The following DLG2 variants were observed in gnomAD, a reference collection of about 807,000 sequenced individuals.
DLG2 encodes the protein disks large homolog 2.
In DLG2, 45 loss-of-function variants were observed where a neutral mutation model predicts 132.5. That is an observed-to-expected ratio of 0.34 (90% CI 0.27 to 0.44). The LOEUF (loss-of-function observed/expected upper bound fraction) is 0.44, where lower values mean the gene tolerates loss of function less well. Ranked by LOEUF, DLG2 falls within the 20% of genes least tolerant of loss-of-function variation. DLG2 has a pLI of 1.00. For missense variants in DLG2, 1,045 were observed against 1,196.9 expected (o/e 0.87, Z 1.87); for synonymous variants, 424 against 419.6 (o/e 1.01, Z -0.13).
At chr11:84,117,347 C>T (rs2093683042) in intron 9 of DLG2, among the ~76,000 whole-genome samples, 1 of 152,190 alleles carries the variant, frequency 6.6e-6, no homozygotes, top group Non-Finnish European at 1.5e-5. Context: ...ATCATATGTG[C>T]TCCCTCATTA....
intron 18 of DLG2, among the ~76,000 whole-genome samples, chr11:83,771,712 T>C (rs1594076317): frequency 6.6e-6 from 1 of 152,360 alleles, no homozygotes; most frequent in East Asian, 1.9e-4. Flanking sequence ...CATTATTTTG[T>C]GGTGCATGAT....
intron 18 of DLG2, among the ~76,000 whole-genome samples, chr11:83,784,932 A>G (rs1375871684): frequency 6.6e-6 from 1 of 152,234 alleles, no homozygotes; most frequent in African/African-American, 2.4e-5. Flanking sequence ...ACAGTTTGAG[A>G]CTGAAAAAAA....
chr11:85,168,836 A>T (rs1025726694), intron 4 of DLG2, among the ~76,000 whole-genome samples: 6 of 152,160 alleles, frequency 3.9e-5, no homozygotes, highest in Admixed American at 6.5e-5. Flanking sequence ...TGTCTTCGTC[A>T]TTGCAAACCT....
intron 9 of DLG2, among the ~76,000 whole-genome samples, chr11:84,134,574 C>G (rs1188547441): frequency 1.3e-5 from 2 of 151,936 alleles, no homozygotes; most frequent in Admixed American, 6.6e-5. Flanking sequence ...TCCAAGTCAC[C>G]CAGTCAGCAG....
intron 7 of DLG2, among the ~76,000 whole-genome samples, chr11:84,315,124 A>G (rs1343912186): frequency 1.3e-5 from 2 of 152,160 alleles, no homozygotes; most frequent in African/African-American, 2.4e-5. Flanking sequence ...TTGCCTTCTT[A>G]TATGTCACTG....
intron 8 of DLG2, among the ~76,000 whole-genome samples, chr11:84,233,524 C>T (rs2097121989): frequency 6.6e-6 from 1 of 152,158 alleles, no homozygotes; most frequent in Admixed American, 6.5e-5. Flanking sequence ...TCTTTGCTAC[C>T]ACATGTACAG....
rs539100977 is a variant in DLG2 at position 85,506,213 on chromosome 11, C to T, written c.40+92444G>A. On this transcript the variant is annotated intron_variant, in intron 3 of 27. Coordinates refer to ENST00000376104, the MANE Select transcript of DLG2 (RefSeq NM_001142699.3). ...TGAAGGGTTTTTTGTATCTCTGTCT[C>T]CTTCAGTTCTGCTCTGATCTTAGTT... Among the ~76,000 whole-genome samples the T allele has an allele frequency of 1.3e-4, 20 of 152,240 alleles. 1 individual carries two copies. The highest frequency in any genetic ancestry group is 4.1e-4 in the African/African-American group (17 of 41,542).
chr11:84,026,471 C>A (rs560733473), intron 11 of DLG2, among the ~76,000 whole-genome samples: 21 of 151,970 alleles, frequency 1.4e-4, no homozygotes, highest in Non-Finnish European at 2.2e-4. Flanking sequence ...ATTATCCAAC[C>A]TTTACAGAGA....
chr11:84,881,841 C>T (rs750838992), intron 6 of DLG2, among the ~76,000 whole-genome samples: 3 of 152,126 alleles, frequency 2.0e-5, no homozygotes, highest in Admixed American at 6.6e-5. Context: ...TGTAGGCCTA[C>T]ACCTCTTATA....
chr11:83,643,886 T>C (rs922329029), intron 18 of DLG2, among the ~76,000 whole-genome samples: 1 of 152,076 alleles, frequency 6.6e-6, no homozygotes, highest in Non-Finnish European at 1.5e-5. Context: ...GTTCTACAAG[T>C]GACTACTTTT....
chr11:84,108,923 G>A lies in DLG2; in HGVS notation c.625-9876C>T, dbSNP rs140653612. ...CTTACTGATGGCTGGAACGTGAAAG[G>A]TGGAAAAGAGAAGAATCAAAGATGA... On this transcript the variant is annotated intron_variant, in intron 9 of 27. Coordinates refer to ENST00000376104, the MANE Select transcript of DLG2 (RefSeq NM_001142699.3). Among the ~76,000 whole-genome samples, 197 of 152,178 alleles carry A rather than the reference G, an allele frequency of 1.3e-3. 1 individual carries two copies. The highest frequency in any genetic ancestry group is 2.3e-3 in the Non-Finnish European group (154 of 67,994).
At chr11:83,790,772 T>G (rs767991906) in intron 17 of DLG2, 40 of 758,420 alleles carry the variant, frequency 5.3e-5, no homozygotes, top group African/African-American at 2.4e-4. Flanking sequence ...GGTTCTGGTC[T>G]GCCTGACTCT....
At chr11:84,315,173 G>C (rs1442500559) in intron 7 of DLG2, among the ~76,000 whole-genome samples, 1 of 152,034 alleles carries the variant, frequency 6.6e-6, no homozygotes, top group Non-Finnish European at 1.5e-5. Flanking sequence ...TTCAATCCTT[G>C]AAAGCATTAA....
At chr11:84,451,340 C>T (rs1418344508) in intron 7 of DLG2, among the ~76,000 whole-genome samples, 1 of 151,880 alleles carries the variant, frequency 6.6e-6, no homozygotes, top group Middle Eastern at 3.4e-3. Flanking sequence ...TCTATATTTT[C>T]TTTGTAAACT....
intron 8 of DLG2, among the ~76,000 whole-genome samples, chr11:84,176,899 C>T (rs548891038): frequency 5.9e-4 from 89 of 152,038 alleles, no homozygotes; most frequent in African/African-American, 2.0e-3. Flanking sequence ...CTTTCCTTTC[C>T]TTTCCATTCC....
chr11:85,282,841 G>A (rs1463736014), intron 4 of DLG2, among the ~76,000 whole-genome samples: 1 of 151,956 alleles, frequency 6.6e-6, no homozygotes, highest in Non-Finnish European at 1.5e-5. Flanking sequence ...TAACCTAAAT[G>A]TCCATCAGTG....
chr11:83,653,418 A>C (rs2071243189), intron 18 of DLG2, among the ~76,000 whole-genome samples: 1 of 152,178 alleles, frequency 6.6e-6, no homozygotes, highest in Non-Finnish European at 1.5e-5. Flanking sequence ...AAACAGCATA[A>C]ATCTCTTTTC....
At chr11:84,167,096 CAT>C (rs2095686235) in intron 8 of DLG2, 1 of 494,444 alleles carries the variant, frequency 2.0e-6, no homozygotes, top group East Asian at 5.5e-5. Flanking sequence ...TTGACATTTT[CAT>C]AGACTTGGAG....
intron 6 of DLG2, among the ~76,000 whole-genome samples, chr11:85,052,697 T>C (rs547147595): frequency 6.6e-6 from 1 of 152,318 alleles, no homozygotes; most frequent in East Asian, 1.9e-4. Context: ...TATCTTTACC[T>C]TGTGTTGCTA....
Sources: allele counts gnomAD v4.1 joint callset (sites outside exome capture counted in the v4.1 genomes callset), GRCh38; gene constraint gnomAD v4.1.1; transcripts MANE v1.5; gene names NCBI Gene and HGNC (gene_info 2026-07-23, HGNC 2026-07-21).